Variants in PCNX1 observed in about 807,000 individuals in gnomAD.
PCNX1 encodes the protein pecanex 1, also known as pecanex-like protein 1.
A neutral mutation model predicts 242.2 loss-of-function variants in PCNX1; 78 were observed. The observed-to-expected ratio is 0.32, with a 90% confidence interval of 0.27 to 0.39. PCNX1 has a LOEUF of 0.39. PCNX1 is among the 10% of genes least tolerant of loss of function. The probability of loss-of-function intolerance (pLI) is 1.00; values close to 1 mark genes in which losing one functional copy is unlikely to be tolerated. For synonymous variants in PCNX1, 1,024 were observed against 1,032.9 expected (o/e 0.99, Z 0.17); for missense variants, 2,581 against 2,856.5 (o/e 0.90, Z 2.20).
At chr14:71,077,105 C>T (rs2061736768) in intron 28 of PCNX1, among the ~76,000 whole-genome samples, 2 of 152,034 alleles carry the variant, frequency 1.3e-5, no homozygotes, top group Admixed American at 6.6e-5. Context: ...TGGGGATCAC[C>T]CTAGGTGATT....
chr14:71,009,530 T>C, intron 8 of PCNX1, 104 bp from the exon 9 acceptor site: 1 of 577,154 alleles, frequency 1.7e-6, no homozygotes, highest in South Asian at 3.7e-5. Context: ...TTAAAGGTTA[T>C]GGTGTATTTT....
At chr14:70,932,617 A>T (rs1202431638) in intron 1 of PCNX1, among the ~76,000 whole-genome samples, 1 of 150,100 alleles carries the variant, frequency 6.7e-6, no homozygotes, top group Non-Finnish European at 1.5e-5. Context: ...ATTTATTTTT[A>T]TTTTTATTTT....
At chr14:71,081,940 T>A (rs569275491) in intron 28 of PCNX1, among the ~76,000 whole-genome samples, 1 of 152,300 alleles carries the variant, frequency 6.6e-6, no homozygotes, top group East Asian at 1.9e-4. Flanking sequence ...TTCTTTTAAT[T>A]GCGATGTTAG....
intron 3 of PCNX1, among the ~76,000 whole-genome samples, chr14:70,965,918 A>G (rs1178365513): frequency 6.6e-6 from 1 of 152,212 alleles, no homozygotes; most frequent in Non-Finnish European, 1.5e-5. Flanking sequence ...AAGCACTTAA[A>G]TAAAAAACTT....
intron 11 of PCNX1, among the ~76,000 whole-genome samples, chr14:71,016,267 T>G: frequency 6.6e-6 from 1 of 152,194 alleles, no homozygotes; most frequent in East Asian, 1.9e-4. Context: ...AAGCAAAAGC[T>G]AATAGAAGTG....
At chr14:71,021,850 C>T (rs2060110600) in intron 12 of PCNX1, among the ~76,000 whole-genome samples, 1 of 152,014 alleles carries the variant, frequency 6.6e-6, no homozygotes, top group African/African-American at 2.4e-5. Flanking sequence ...GTTCTTTCAA[C>T]TGCTTAATTT....
rs373818839 is a variant in PCNX1, at chr14:71,036,755, T to C, written c.3867+598T>C. On this transcript the variant is annotated intron_variant, in intron 19 of 35. Transcript: ENST00000304743. ...TTATTTCTGATTCGATTTTAATATT[T>C]GTCCGTAGTGCTGAAATACATGACT... Among the ~76,000 whole-genome samples the C allele has an allele frequency of 3.6e-3, 550 of 152,360 alleles. 1 individual carries two copies. The highest frequency in any genetic ancestry group is 0.013 in the African/African-American group (533 of 41,580).
At chr14:70,994,427 A>ATGTATGTATG (rs1555357430) in intron 7 of PCNX1, among the ~76,000 whole-genome samples, 11 of 88,724 alleles carry the variant, frequency 1.2e-4, no homozygotes, top group African/African-American at 4.2e-4. Context: ...ATATATATAT[A>ATGTATGTATG]TATGTATGTA....
chr14:70,912,388 GTAT>G (rs1005888687), intron 1 of PCNX1, among the ~76,000 whole-genome samples: 22 of 151,982 alleles, frequency 1.4e-4, no homozygotes, highest in Non-Finnish European at 1.5e-5. Context: ...CTATTGATTT[GTAT>G]TTTATAAACA....
At chr14:70,955,654 T>G (rs896389221) in intron 2 of PCNX1, among the ~76,000 whole-genome samples, 2 of 152,196 alleles carry the variant, frequency 1.3e-5, no homozygotes, top group Admixed American at 1.3e-4. Context: ...GTAGACCACT[T>G]TGCTACTGTG....
intron 5 of PCNX1, among the ~76,000 whole-genome samples, chr14:70,976,472 A>G (rs2058693229): frequency 6.8e-6 from 1 of 147,528 alleles, no homozygotes; most frequent in Non-Finnish European, 1.5e-5. Context: ...TCCTGGGTTC[A>G]CACCATTCTC....
intron 32 of PCNX1, among the ~76,000 whole-genome samples, chr14:71,104,902 G>A (rs912201195): frequency 2.6e-5 from 4 of 151,416 alleles, no homozygotes; most frequent in African/African-American, 9.7e-5. Flanking sequence ...CTCCAGCCTG[G>A]TGACAGCGAG....
At chr14:70,968,108 T>C in intron 3 of PCNX1, 90 bp from the exon 4 acceptor site, 1 of 874,392 alleles carries the variant, frequency 1.1e-6, no homozygotes, top group East Asian at 2.4e-5. Context: ...TTTGATCATA[T>C]AATTTTGTTT....
At chr14:71,036,492 T>G (rs2060537273) in intron 19 of PCNX1, among the ~76,000 whole-genome samples, 1 of 152,174 alleles carries the variant, frequency 6.6e-6, no homozygotes, top group South Asian at 2.1e-4. Flanking sequence ...TATGTTTAGA[T>G]ACACAAGTAT....
At chr14:71,087,590 G>T (rs1278009084) in intron 28 of PCNX1, among the ~76,000 whole-genome samples, 2 of 152,180 alleles carry the variant, frequency 1.3e-5, no homozygotes, top group Admixed American at 1.3e-4. Flanking sequence ...TGATTTCAGA[G>T]ATCTGGAGTG....
intron 11 of PCNX1, among the ~76,000 whole-genome samples, chr14:71,018,424 T>C (rs913774128): frequency 6.6e-6 from 1 of 151,710 alleles, no homozygotes; most frequent in African/African-American, 2.4e-5. Flanking sequence ...TTAGCAACTT[T>C]GATAGAAGCA....
chr14:71,071,657 G>A (rs757772808), intron 26 of PCNX1, among the ~76,000 whole-genome samples: 2 of 152,082 alleles, frequency 1.3e-5, no homozygotes, highest in Admixed American at 6.6e-5. Flanking sequence ...CACACTTCCT[G>A]TACAGTCTGC....
intron 5 of PCNX1, among the ~76,000 whole-genome samples, chr14:70,970,202 A>T (rs2058499805): frequency 6.6e-6 from 1 of 151,948 alleles, no homozygotes; most frequent in Non-Finnish European, 1.5e-5. Flanking sequence ...CTCTACAAAA[A>T]GTAATAAAAA....
chr14:70,933,936 G>A (rs1018977), intron 1 of PCNX1, among the ~76,000 whole-genome samples: 4 of 152,010 alleles, frequency 2.6e-5, no homozygotes, highest in African/African-American at 7.3e-5. Flanking sequence ...AAGGAAGCAG[G>A]CTTTGGCTAC....
Sources: allele counts gnomAD v4.1 joint callset (sites outside exome capture counted in the v4.1 genomes callset), GRCh38; gene constraint gnomAD v4.1.1; transcripts MANE v1.5; gene names NCBI Gene and HGNC (gene_info 2026-07-23, HGNC 2026-07-21).